Variants in MTERF3 observed in about 807,000 individuals in gnomAD.
MTERF3 encodes mitochondrial transcription termination factor 3.
In MTERF3, 40 loss-of-function variants were observed where a neutral mutation model predicts 40.5. The ratio of observed to expected loss-of-function variants is 0.99; its 90% confidence interval spans 0.77 to 1.29. The LOEUF (loss-of-function observed/expected upper bound fraction) is 1.29. MTERF3 is among the 50% of genes most tolerant of loss of function. MTERF3 has a pLI of 0.00. For missense variants in MTERF3, 452 were observed against 478.2 expected (o/e 0.95, Z 0.51); for synonymous variants, 158 against 166.6 (o/e 0.95, Z 0.40).
Position 96,245,846 on chromosome 8 carries a change from TA to T in MTERF3, c.897+13del, listed in dbSNP as rs746632846. 1.9e-6 allele frequency: 3 copies of T among 1,611,454 alleles called. No individual in the cohort carries two copies. The East Asian group carries it at 6.7e-5, about 36-fold the overall frequency. Reference sequence around the variant, plus strand: ...AAAGAAACTGATTTCTCAAAAAGCCTAAAGTTGTCCTACCTTCATATTTTCT... The same window carrying T: ...AAAGAAACTGATTTCTCAAAAAGCCTAAGTTGTCCTACCTTCATATTTTCT... On this transcript the variant is annotated intron_variant, in intron 6 of 7. Transcript: ENST00000287025.
chr8:96,249,404 C>A (rs1810082745), intron 4 of MTERF3, among the ~76,000 whole-genome samples: 1 of 152,128 alleles, frequency 6.6e-6, no homozygotes, highest in African/African-American at 2.4e-5. Flanking sequence ...TCCTGACAGC[C>A]AAGAAGACTA....
At chr8:96,250,648 A>AAGCAGAAGC in intron 4 of MTERF3, among the ~76,000 whole-genome samples, 1 of 27,520 alleles carries the variant, frequency 3.6e-5, no homozygotes, top group Admixed American at 2.7e-4. Flanking sequence ...GAAGAAGAAG[A>AAGCAGAAGC]AGAAGAAGAA....
intron 3 of MTERF3, among the ~76,000 whole-genome samples, chr8:96,253,838 C>T (rs1810231101): frequency 7.0e-6 from 1 of 143,138 alleles, no homozygotes. Context: ...AGACCTCCCT[C>T]TATTTAAAAA....
chr8:96,260,187 C>T (rs1006304420), intron 1 of MTERF3: 2 of 152,212 alleles, frequency 1.3e-5, no homozygotes, highest in African/African-American at 4.8e-5. Flanking sequence ...AGGCGTGAGC[C>T]ACTGCGCTCG....
chr8:96,250,810 G>C, intron 4 of MTERF3, 96 bp downstream of exon 4: 1 of 1,183,416 alleles, frequency 8.5e-7, no homozygotes, highest in South Asian at 1.4e-5. Flanking sequence ...TATCTCAGTA[G>C]ACCCTTGTGC....
At position 96,239,608 on chromosome 8, in the gene MTERF3, T is replaced by A; in HGVS notation, c.1137A>T (p.Pro379=). Residue 379 remains proline, a synonymous_variant, in exon 8 of 8, where the codon CCA becomes CCT. Coordinates refer to ENST00000287025, the MANE Select transcript of MTERF3 (RefSeq NM_015942.5). ...CCAAAGAGATGTAGTTAGGTTTTGCTGGATCATACTGTGCTCTTCCTAAAT... is the reference window on the plus strand; with the variant it reads ...CCAAAGAGATGTAGTTAGGTTTTGCAGGATCATACTGTGCTCTTCCTAAAT... ...LTYLGRAQYD[P]AKPNYISLDK... is the part of the protein sequence containing the mutation. 6.2e-7 allele frequency: 1 copy of A among 1,612,950 alleles called. No homozygotes were observed. The highest frequency in any genetic ancestry group is 8.5e-7 in the Non-Finnish European group (1 of 1,179,720).
intron 3 of MTERF3, among the ~76,000 whole-genome samples, chr8:96,253,786 G>T (rs1188728523): frequency 2.0e-5 from 3 of 150,908 alleles, no homozygotes; most frequent in Non-Finnish European, 4.4e-5. Context: ...TGGGAGGAAA[G>T]CTTGAGCCCA....
In MTERF3 at chr8:96,259,282, C is replaced by A. The variant is rs187035277; in HGVS notation, c.-10-582G>T. Among the ~76,000 whole-genome samples, 307 of 152,268 alleles carry A rather than the reference C, an allele frequency of 2.0e-3. 3 individuals carry two copies. The highest frequency in any genetic ancestry group is 7.0e-3 in the African/African-American group (289 of 41,550). On this transcript the variant is annotated intron_variant, in intron 1 of 7. Coordinates refer to ENST00000287025, the MANE Select transcript of MTERF3 (RefSeq NM_015942.5). Reference sequence around the variant, plus strand: ...GCAGTTTCTTGCTTCATTCTCAGGGCTGAACACTGTTGATTACTTCACAGA... The same window carrying A: ...GCAGTTTCTTGCTTCATTCTCAGGGATGAACACTGTTGATTACTTCACAGA...
intron 2 of MTERF3, among the ~76,000 whole-genome samples, chr8:96,257,756 C>T (rs1810306948): frequency 6.6e-6 from 1 of 152,096 alleles, no homozygotes. Context: ...CTGTTTTGTG[C>T]TTCTCATCAT....
intron 3 of MTERF3, among the ~76,000 whole-genome samples, chr8:96,251,587 G>A (rs7815153): frequency 0.077 from 11,757 of 152,162 alleles, 496 homozygotes; most frequent in African/African-American, 0.09. Flanking sequence ...CTTACTCATC[G>A]TTGTAATCTC....
chr8:96,248,149 A>G (rs1810057014), intron 4 of MTERF3, among the ~76,000 whole-genome samples: 1 of 152,248 alleles, frequency 6.6e-6, no homozygotes. Context: ...AACAACCCCT[A>G]TGAAGGACAA....
At position 96,239,659 on chromosome 8, in the gene MTERF3, G is replaced by A; in HGVS notation, c.1086C>T (p.Val362=). 1 of 1,596,144 alleles carries A rather than the reference G, an allele frequency of 6.3e-7. No homozygotes were observed. The highest frequency in any genetic ancestry group is 8.5e-7 in the Non-Finnish European group (1 of 1,175,842). ...PQVFNTRLFK[V]KERHLFLTYL... ...AGGTAAGAAACAAGTGTCTTTCTTT[G>A]ACCTTAAACAGCCTTGTATTAAATA... Residue 362 remains valine, a synonymous_variant, in exon 8 of 8, where the codon GTC becomes GTT. Transcript: ENST00000287025.
intron 7 of MTERF3, chr8:96,239,983 G>T: frequency 1.7e-6 from 1 of 583,276 alleles, no homozygotes; most frequent in Non-Finnish European, 3.0e-6. Context: ...ATCTTCGGCC[G>T]GGCGTGGTGG....
Position 96,251,057 on chromosome 8 carries a change from C to T in MTERF3, c.526G>A (p.Ala176Thr). The T allele has an allele frequency of 6.3e-7, 1 of 1,592,794 alleles. No individual in the cohort carries two copies. Among genetic ancestry groups the T allele is most frequent in the Non-Finnish European group, 8.5e-7 (1 of 1,174,972 alleles). Residue 176 changes from alanine to threonine, a missense_variant, in exon 4 of 8, where the codon GCA (alanine) becomes ACA (threonine). Ala to Thr is a moderately conservative substitution (Grantham distance 58). Coordinates refer to ENST00000287025, the MANE Select transcript of MTERF3 (RefSeq NM_015942.5). ...LSKIEKHPEAANLLLRLDFEK... is the reference protein window; with the variant it reads ...LSKIEKHPEATNLLLRLDFEK... ...AAATCCAGTCTCAGAAGGAGGTTTG[C>T]TGCTTCTGGATGTTTTTCTATCTTG...
At chr8:96,254,151 T>A (rs929166719) in intron 3 of MTERF3, among the ~76,000 whole-genome samples, 2 of 152,230 alleles carry the variant, frequency 1.3e-5, no homozygotes, top group African/African-American at 4.8e-5. Context: ...CCTCTGAATG[T>A]ACACTTTTTA....
intron 4 of MTERF3, among the ~76,000 whole-genome samples, chr8:96,249,107 C>G (rs1271844709): frequency 6.6e-6 from 1 of 152,148 alleles, no homozygotes; most frequent in African/African-American, 2.4e-5. Context: ...GTAACTTAAG[C>G]TATTAAGTTT....
At chr8:96,258,783 A>AT in intron 1 of MTERF3, 83 bp from the exon 2 acceptor site, 2 of 1,038,588 alleles carry the variant, frequency 1.9e-6, no homozygotes, top group East Asian at 2.4e-5. Context: ...CAACAAAAAG[A>AT]TAAACTGGAA....
Position 96,253,205 on chromosome 8 carries a change from T to C in MTERF3, c.488-2110A>G, listed in dbSNP as rs114666594. Among the ~76,000 whole-genome samples, 1,308 of 152,248 alleles carry C rather than the reference T, an allele frequency of 8.6e-3. 14 individuals carry two copies. Among genetic ancestry groups the C allele is most frequent in the African/African-American group, 0.029 (1,219 of 41,530 alleles). ...CAAGGACTTTAATGAAGGGACTCTATACAGCGGTGTGAGCAGCCTTAAGAG... is the reference window on the plus strand; with the variant it reads ...CAAGGACTTTAATGAAGGGACTCTACACAGCGGTGTGAGCAGCCTTAAGAG... On this transcript the variant is annotated intron_variant, in intron 3 of 7. Transcript: ENST00000287025.
chr8:96,246,574 T>C, intron 4 of MTERF3, 120 bp from the exon 5 acceptor site: 2 of 808,814 alleles, frequency 2.5e-6, no homozygotes, highest in Non-Finnish European at 3.6e-6. Context: ...ACACCCTAAA[T>C]TACTAACTAA....
Sources: gnomAD v4.1 joint callset for allele counts (sites outside exome capture counted in the v4.1 genomes callset) on GRCh38, gnomAD v4.1.1 for gene constraint, MANE v1.5 for transcripts, NCBI Gene and HGNC (gene_info 2026-07-23, HGNC 2026-07-21) for gene names.